The following SLC30A7 variants were observed in gnomAD, a reference collection of about 807,000 sequenced individuals.
SLC30A7 encodes the protein solute carrier family 30 member 7, also known as zinc transporter 7.
In SLC30A7, 35 loss-of-function variants were observed where a neutral mutation model predicts 46.0. That is an observed-to-expected ratio of 0.76 (90% confidence interval 0.58 to 1.01). SLC30A7 has a LOEUF of 1.01. SLC30A7 is among the 50% of genes least tolerant of loss of function. SLC30A7 has a pLI of 0.00. For missense variants in SLC30A7, 464 were observed against 451.1 expected (o/e 1.03, Z -0.26); for synonymous variants, 147 against 157.8 (o/e 0.93, Z 0.51).
intron 9 of SLC30A7, 138 bp from the exon 10 acceptor site, chr1:100,965,631 T>C: frequency 1.4e-6 from 1 of 697,392 alleles, no homozygotes; most frequent in Admixed American, 2.5e-5. Context: ...TTTATTTATT[T>C]ATTTATTCAA....
At chr1:100,914,699 A>G (rs1652365032) in intron 6 of SLC30A7, among the ~76,000 whole-genome samples, 1 of 152,192 alleles carries the variant, frequency 6.6e-6, no homozygotes, top group Admixed American at 6.5e-5. Flanking sequence ...CTCTCAGTAG[A>G]GTGTATGCTT....
intron 5 of SLC30A7, among the ~76,000 whole-genome samples, chr1:100,912,826 C>T (rs530069084): frequency 6.0e-5 from 9 of 150,902 alleles, no homozygotes; most frequent in African/African-American, 1.7e-4. Flanking sequence ...TGCAGCGAGC[C>T]GAGATCATGC....
chr1:100,958,587 GACTTTACTTTCTTT>G lies in SLC30A7; in HGVS notation c.843-3226_843-3213del, dbSNP rs1293413456. Among the ~76,000 whole-genome samples, 9 of 152,222 alleles carry G rather than the reference GACTTTACTTTCTTT, an allele frequency of 5.9e-5. No homozygotes were observed. The East Asian group carries it at 1.2e-3, about 20-fold the overall frequency. Reference sequence around the variant, plus strand: ...TTTTTCCAGATGTTTTACTTACTGTGACTTTACTTTCTTTACTTTACTTTCTTTTCTTAACTGCT... The same window carrying G: ...TTTTTCCAGATGTTTTACTTACTGTGACTTTACTTTCTTTTCTTAACTGCT... On this transcript the variant is annotated intron_variant, in intron 8 of 10. Transcript: ENST00000357650.
chr1:100,961,999 CAT>C lies in SLC30A7; in HGVS notation c.933+82_933+83del, dbSNP rs373639658. The stretch of plus-strand genomic sequence containing the variant: ...TTTCAGCTTTCACAAATATGGGTAA[CAT>C]GTGTGTATAATTGACTGTTTCTTCC... On this transcript the variant is annotated intron_variant, in intron 9 of 10. Coordinates refer to ENST00000357650, the MANE Select transcript of SLC30A7 (RefSeq NM_133496.5). The C allele has an allele frequency of 1.1e-3, 847 of 791,328 alleles. 5 individuals are homozygous for C. The highest frequency in any genetic ancestry group is 6.4e-3 in the South Asian group (357 of 55,618). 49.0% of individuals were successfully genotyped at this position (791,328 alleles called of 1,614,324 possible). A position where few individuals can be genotyped will look rare whatever the true frequency, so the allele number is the denominator to read the frequency against.
At position 100,978,288 on chromosome 1, in the gene SLC30A7, T is replaced by G. The variant is rs1041828863; in HGVS notation, c.*3431T>G. The G allele has an allele frequency of 5.3e-5, 8 of 152,202 alleles. No homozygotes were observed. Among genetic ancestry groups the G allele is most frequent in the Non-Finnish European group, 2.9e-5 (2 of 68,038 alleles). The allele number at this position is 152,202 out of a possible 1,614,324, so 9.4% of individuals were successfully genotyped here. On this transcript the variant is annotated 3_prime_UTR_variant, in exon 11 of 11. Coordinates refer to ENST00000357650, the MANE Select transcript of SLC30A7 (RefSeq NM_133496.5). ...AAAATGCTATGCCTTTTTTGCACCT[T>G]TGTACAGCAGCCAAATCATGAACTC...
chr1:100,934,114 A>T (rs1240233398), intron 8 of SLC30A7, among the ~76,000 whole-genome samples: 1 of 152,062 alleles, frequency 6.6e-6, no homozygotes, highest in Non-Finnish European at 1.5e-5. Context: ...CTAGATTGAG[A>T]TTCAGCAGGC....
In SLC30A7 at chr1:100,975,220, C is replaced by A. The variant is rs151315219; in HGVS notation, c.*363C>A. ...CACACCACCATCCTCTCATCCCAGCCAGTAAGAATTTCAGTTGTGGGCCTC... is the reference window on the plus strand; with the variant it reads ...CACACCACCATCCTCTCATCCCAGCAAGTAAGAATTTCAGTTGTGGGCCTC... On this transcript the variant is annotated 3_prime_UTR_variant, in exon 11 of 11. Transcript: ENST00000357650. The A allele has an allele frequency of 6.0e-6, 1 of 166,488 alleles. No homozygotes were observed. The highest frequency in any genetic ancestry group is 2.4e-5 in the African/African-American group (1 of 42,182). 10.3% of individuals were successfully genotyped at this position (166,488 alleles called of 1,614,324 possible). A position where few individuals can be genotyped will look rare whatever the true frequency, so the allele number is the denominator to read the frequency against.
intron 8 of SLC30A7, among the ~76,000 whole-genome samples, chr1:100,940,055 G>T (rs1471222047): frequency 6.6e-6 from 1 of 152,090 alleles, no homozygotes; most frequent in African/African-American, 2.4e-5. Context: ...CCTTTGTAAT[G>T]AACATAATGA....
At chr1:100,967,234 A>AG (rs1413866515) in intron 10 of SLC30A7, among the ~76,000 whole-genome samples, 13 of 152,214 alleles carry the variant, frequency 8.5e-5, no homozygotes, top group East Asian at 3.8e-4. Context: ...TTTTGGCACC[A>AG]GGGACCGGCT....
chr1:100,971,625 A>G (rs1327428400), intron 10 of SLC30A7, among the ~76,000 whole-genome samples: 1 of 152,162 alleles, frequency 6.6e-6, no homozygotes, highest in Non-Finnish European at 1.5e-5. Flanking sequence ...AAGTACTGTG[A>G]TCAGTACCTA....
At chr1:100,969,027 G>T (rs1209362846) in intron 10 of SLC30A7, among the ~76,000 whole-genome samples, 1 of 152,090 alleles carries the variant, frequency 6.6e-6, no homozygotes, top group Non-Finnish European at 1.5e-5. Context: ...GTCCCTTTGG[G>T]AGTAAATTAA....
At position 100,896,307 on chromosome 1, in the gene SLC30A7, G is replaced by A; in HGVS notation, c.45G>A (p.Lys15=). The A allele has an allele frequency of 6.2e-7, 1 of 1,614,204 alleles. No homozygotes were observed. Among genetic ancestry groups the A allele is most frequent in the Non-Finnish European group, 8.5e-7 (1 of 1,180,036 alleles). Residue 15 remains lysine, a synonymous_variant, in exon 1 of 11, where the codon AAG becomes AAA. Transcript: ENST00000357650. The part of the protein sequence containing the change: ...SIKDDEYKPP[K]FNLFGKISGW... ...AAGACGATGAATACAAACCACCCAA[G>A]TTCAATTTGTTCGGCAAGATCTCGG...
rs987537737 is a variant in SLC30A7 at position 100,976,160 on chromosome 1, A to G, written c.*1303A>G. 2 of 152,244 alleles carry G rather than the reference A, an allele frequency of 1.3e-5. No individual in the cohort carries two copies. Among genetic ancestry groups the G allele is most frequent in the Non-Finnish European group, 2.9e-5 (2 of 68,032 alleles). 9.4% of individuals were successfully genotyped at this position (152,244 alleles called of 1,614,324 possible). Reference sequence around the variant, plus strand: ...CTGTAATAGCTACTGTATCTGTGATAAACTTTCCTATATCTTTCCTTGCCA... The same window carrying G: ...CTGTAATAGCTACTGTATCTGTGATGAACTTTCCTATATCTTTCCTTGCCA... On this transcript the variant is annotated 3_prime_UTR_variant, in exon 11 of 11. Coordinates refer to ENST00000357650, the MANE Select transcript of SLC30A7 (RefSeq NM_133496.5).
At chr1:100,912,327 G>A (rs1652158406) in intron 5 of SLC30A7, 89 bp downstream of exon 5, 1 of 1,387,660 alleles carries the variant, frequency 7.2e-7, no homozygotes, top group Non-Finnish European at 1.0e-6. Flanking sequence ...AAACTATACT[G>A]ATTTCTGATG....
chr1:100,983,406 C>CAAACA (rs1558022025), downstream of SLC30A7, among the ~76,000 whole-genome samples: 656 of 134,724 alleles, frequency 4.9e-3, 6 homozygotes, highest in African/African-American at 8.4e-3. Context: ...CAAAACAAAA[C>CAAACA]AAAAAAAACT....
At chr1:100,948,936 C>G (rs151031086) in intron 8 of SLC30A7, among the ~76,000 whole-genome samples, 1 of 152,190 alleles carries the variant, frequency 6.6e-6, no homozygotes, top group Non-Finnish European at 1.5e-5. Flanking sequence ...ATTCATCTAA[C>G]CTTTTTTCAA....
At chr1:100,930,284 A>C (rs1250961729) in intron 8 of SLC30A7, among the ~76,000 whole-genome samples, 1 of 152,064 alleles carries the variant, frequency 6.6e-6, no homozygotes, top group African/African-American at 2.4e-5. Context: ...ACCAAAAACA[A>C]GTCTTTTTGT....
At chr1:100,971,191 C>G (rs1478801738) in intron 10 of SLC30A7, among the ~76,000 whole-genome samples, 2 of 152,122 alleles carry the variant, frequency 1.3e-5, no homozygotes, top group Non-Finnish European at 2.9e-5. Flanking sequence ...TTTCTGCCTC[C>G]GTAAACTCTC....
chr1:100,930,233 A>C (rs1317512696), intron 8 of SLC30A7, among the ~76,000 whole-genome samples: 1 of 152,098 alleles, frequency 6.6e-6, no homozygotes, highest in African/African-American at 2.4e-5. Context: ...ATATATATAC[A>C]TACCACAAAA....
Sources: allele counts gnomAD v4.1 joint callset (sites outside exome capture counted in the v4.1 genomes callset), GRCh38; gene constraint gnomAD v4.1.1; transcripts MANE v1.5; gene names NCBI Gene and HGNC (gene_info 2026-07-23, HGNC 2026-07-21).